Variants in PXDC1 observed in about 807,000 individuals in gnomAD.
PXDC1 encodes the protein PX domain-containing protein 1.
Under a neutral mutation model 24.4 loss-of-function variants are expected in PXDC1, and 13 were observed. The observed-to-expected ratio is 0.53, with a 90% CI of 0.35 to 0.85. PXDC1 has a LOEUF of 0.85. Among genes scored for constraint, PXDC1 ranks in the 40% least tolerant of loss-of-function variants. The pLI, the probability that PXDC1 is intolerant of heterozygous loss-of-function variation, is 0.01. For missense variants in PXDC1, 344 were observed against 309.3 expected (o/e 1.11, Z -0.84); for synonymous variants, 162 against 124.9 (o/e 1.30, Z -1.98).
chr6:3,738,885 C>T (rs950296969), intron 1 of PXDC1: 138 of 1,302,814 alleles, frequency 1.1e-4, no homozygotes, highest in Middle Eastern at 2.8e-4. Context: ...TTCTATCCGT[C>T]GGCTTTGCAG....
chr6:3,747,779 A>C (rs1003123406), intron 1 of PXDC1, among the ~76,000 whole-genome samples: 1 of 152,160 alleles, frequency 6.6e-6, no homozygotes, highest in Non-Finnish European at 1.5e-5. Context: ...TTATCTTGTT[A>C]CTATTGGATT....
chr6:3,739,899 C>T (rs545611613), intron 1 of PXDC1, among the ~76,000 whole-genome samples: 1 of 152,242 alleles, frequency 6.6e-6, no homozygotes, highest in African/African-American at 2.4e-5. Flanking sequence ...GGGAAGTCTA[C>T]CAAGGAAAGG....
At position 3,727,570 on chromosome 6, in the gene PXDC1, C is replaced by T. The variant is rs774517433; in HGVS notation, c.559G>A (p.Val187Met). 5.6e-6 allele frequency: 9 copies of T among 1,609,616 alleles called. No individual in the cohort carries two copies. The South Asian group carries it at 7.7e-5, about 14-fold the overall frequency. Residue 187 changes from valine to methionine, a missense_variant, in exon 4 of 5, where the codon GTG (valine) becomes ATG (methionine). Transcript: ENST00000380283. ...IPNGRDQQLG[V>M]DPTEHLFENG... Reference sequence around the variant, plus strand: ...ACTTACAAATGCTCTGTTGGGTCCACGCCCAGCTGCTGGTCTCTTCCATTT... The same window carrying T: ...ACTTACAAATGCTCTGTTGGGTCCATGCCCAGCTGCTGGTCTCTTCCATTT...
In PXDC1 at chr6:3,751,646, C is replaced by G. The variant is rs1236057389; in HGVS notation, c.-115G>C. The stretch of plus-strand genomic sequence containing the variant: ...GTCCGTGGCCGGGGTCGTCCGGGGT[C>G]GGCCCGTCACTCCAAGGAGGCTGCG... On this transcript the variant is annotated 5_prime_UTR_variant, in exon 1 of 5. Transcript: ENST00000380283. 35 of 1,333,124 alleles carry G rather than the reference C, an allele frequency of 2.6e-5. No homozygotes were observed. The highest frequency in any genetic ancestry group is 3.3e-5 in the Non-Finnish European group (35 of 1,046,818). 82.6% of individuals were successfully genotyped at this position (1,333,124 alleles called of 1,614,324 possible). A position where few individuals can be genotyped will look rare whatever the true frequency, so the allele number is the denominator to read the frequency against.
At chr6:3,741,894 T>C (rs935051676) in intron 1 of PXDC1, among the ~76,000 whole-genome samples, 4 of 151,082 alleles carry the variant, frequency 2.6e-5, no homozygotes, top group African/African-American at 9.7e-5. Context: ...GATGGGTGTA[T>C]TTAATGTGGA....
intron 1 of PXDC1, among the ~76,000 whole-genome samples, chr6:3,743,347 T>A (rs1760491451): frequency 6.6e-6 from 1 of 152,122 alleles, no homozygotes; most frequent in Non-Finnish European, 1.5e-5. Context: ...CTCTGCAAAG[T>A]GAGCTTTAAC....
In PXDC1 at chr6:3,723,718, C is replaced by T. The variant is rs1159652369; in HGVS notation, c.597G>A (p.Glu199=). The change falls in exon 5 of 5, where the codon GAG becomes GAA. Residue 199 remains glutamate, a synonymous_variant. Coordinates refer to ENST00000380283, the MANE Select transcript of PXDC1 (RefSeq NM_183373.4). ...CCCCGTCCTCCAGCTCTGAGGGAAA[C>T]TCACTGCCATTCTCAAATCTGAAAT... The part of the protein sequence containing the change: ...PTEHLFENGS[E]FPSELEDGDD... 4 of 1,614,168 alleles carry T rather than the reference C, an allele frequency of 2.5e-6. No homozygotes were observed. Among genetic ancestry groups the T allele is most frequent in the Non-Finnish European group, 3.4e-6 (4 of 1,179,988 alleles).
intron 1 of PXDC1, chr6:3,750,986 T>C: frequency 2.6e-6 from 1 of 379,276 alleles, no homozygotes; most frequent in Non-Finnish European, 4.7e-6. Flanking sequence ...TCCTCGGAAG[T>C]GACTCGTCCT....
In PXDC1 at chr6:3,737,727, G is replaced by A; in HGVS notation, c.348+330C>T. 1 of 983,682 alleles carries A rather than the reference G, an allele frequency of 1.0e-6. No individual in the cohort carries two copies. Among genetic ancestry groups the A allele is most frequent in the Non-Finnish European group, 1.2e-6 (1 of 828,352 alleles). The allele number at this position is 983,682 out of a possible 1,614,324, so 60.9% of individuals were successfully genotyped here. ...CTAAAATCCCCTCAGCAAGACGGTG[G>A]ATTCTGAGCAGAGGCAGAAAGCAAA... is the stretch of plus-strand genomic sequence containing the variant. On this transcript the variant is annotated intron_variant, in intron 2 of 4. Coordinates refer to ENST00000380283, the MANE Select transcript of PXDC1 (RefSeq NM_183373.4). This position sits in a 1 kb window ranked among gnomAD's most constrained non-coding sequence, Gnocchi z 5.5.
intron 1 of PXDC1, 59 bp downstream of exon 1, chr6:3,751,217 C>T: frequency 7.8e-7 from 1 of 1,278,250 alleles, no homozygotes; most frequent in Non-Finnish European, 1.0e-6. Context: ...TCCCCGCCTC[C>T]TTCGTGCACT....
In PXDC1 at chr6:3,751,703, C is replaced by T. The variant is rs2274151; in HGVS notation, c.-172G>A. 551,999 of 1,027,758 alleles carry T rather than the reference C, an allele frequency of 0.54. 153,614 individuals carry two copies. The highest frequency in any genetic ancestry group is 0.57 in the Non-Finnish European group (462,575 of 814,722). The allele number at this position is 1,027,758 out of a possible 1,614,324, so 63.7% of individuals were successfully genotyped here. On this transcript the variant is annotated 5_prime_UTR_variant, in exon 1 of 5. Coordinates refer to ENST00000380283, the MANE Select transcript of PXDC1 (RefSeq NM_183373.4). ...CCGCGTTCGGGGCAGCGGGGCGGCG[C>T]GGCGGCGAGTGGCTCGGGCCGGCCG...
intron 1 of PXDC1, chr6:3,738,674 T>C (rs1267915317): frequency 5.3e-6 from 4 of 759,358 alleles, no homozygotes; most frequent in Non-Finnish European, 7.5e-6. Context: ...GATCTCTGCC[T>C]GGACAAAACC....
chr6:3,738,241 G>C, intron 1 of PXDC1, 93 bp from the exon 2 acceptor site: 2 of 924,384 alleles, frequency 2.2e-6, no homozygotes, highest in South Asian at 2.7e-5. Context: ...AAACCGCCAG[G>C]GTCGTCATCT....
intron 1 of PXDC1, among the ~76,000 whole-genome samples, chr6:3,742,224 T>A (rs992396084): frequency 2.0e-5 from 3 of 152,232 alleles, no homozygotes; most frequent in Admixed American, 1.3e-4. Flanking sequence ...CTATCCTACC[T>A]GTTGTACTCC....
At chr6:3,745,431 G>A (rs1463486166) in intron 1 of PXDC1, among the ~76,000 whole-genome samples, 1 of 152,256 alleles carries the variant, frequency 6.6e-6, no homozygotes, top group East Asian at 1.9e-4. Context: ...CAACGGCCCT[G>A]CGTGCGGATA....
chr6:3,734,164 C>T (rs993663391), intron 3 of PXDC1, among the ~76,000 whole-genome samples: 3 of 152,204 alleles, frequency 2.0e-5, no homozygotes, highest in Admixed American at 6.5e-5. Context: ...TGTTAAATTT[C>T]GTCTCACTAT....
intron 3 of PXDC1, among the ~76,000 whole-genome samples, chr6:3,731,683 G>T (rs1395515864): frequency 6.6e-6 from 1 of 152,206 alleles, no homozygotes; most frequent in African/African-American, 2.4e-5. Context: ...GCAATGAGTT[G>T]CTCTGTCTTG....
At position 3,727,598 on chromosome 6, in the gene PXDC1, T is replaced by C. The variant is rs753763707; in HGVS notation, c.531A>G (p.Ile177Met). ...NTETIVIDHS[I>M]PNGRDQQLGV... ...CCAGCTGCTGGTCTCTTCCATTTGG[T>C]ATACTGTGGTCAATAACTATTGTTT... Residue 177 changes from isoleucine (I) to methionine (M), a missense_variant, in exon 4 of 5, where the codon ATA (isoleucine) becomes ATG (methionine). By Grantham distance (10) the Ile-to-Met change is conservative. Coordinates refer to ENST00000380283, the MANE Select transcript of PXDC1 (RefSeq NM_183373.4). The C allele has an allele frequency of 6.2e-7, 1 of 1,613,854 alleles. No individual in the cohort carries two copies. Among genetic ancestry groups the C allele is most frequent in the East Asian group, 2.2e-5 (1 of 44,888 alleles).
chr6:3,750,358 GTCA>G (rs1352171422), intron 1 of PXDC1, among the ~76,000 whole-genome samples: 1 of 152,176 alleles, frequency 6.6e-6, no homozygotes, highest in Non-Finnish European at 1.5e-5. Flanking sequence ...GCTACAGGTG[GTCA>G]CCCATGGAGG....
Sources: gnomAD v4.1 joint callset for allele counts (sites outside exome capture counted in the v4.1 genomes callset) on GRCh38, gnomAD v4.1.1 for gene constraint, Gnocchi (gnomAD v3.1) non-coding constraint, MANE v1.5 for transcripts, NCBI Gene and HGNC (gene_info 2026-07-23, HGNC 2026-07-21) for gene names.